The following LMO3 variants were observed in gnomAD, a reference collection of about 807,000 sequenced individuals.
The protein encoded by LMO3 is LIM domain only 3, also known as LIM domain only protein 3.
In LMO3, 2 loss-of-function variants were observed where a neutral mutation model predicts 15.8. The ratio of observed to expected loss-of-function variants is 0.13; its 90% CI spans 0.05 to 0.40. LMO3 has a LOEUF of 0.40. Ranked by LOEUF, LMO3 falls within the 10% of genes least tolerant of loss-of-function variation. LMO3 has a pLI of 0.99. For synonymous variants in LMO3, 62 were observed against 63.8 expected, an observed-to-expected ratio of 0.97 and a Z score of 0.13; for missense variants, 86 against 182.2, an observed-to-expected ratio of 0.47 and a Z score of 3.04.
At chr12:16,581,520 C>G (rs1031401373) in intron 2 of LMO3, among the ~76,000 whole-genome samples, 1 of 152,106 alleles carries the variant, frequency 6.6e-6, no homozygotes, top group African/African-American at 2.4e-5. Context: ...ACTGCTGGAG[C>G]CTCAGTTCCT....
At position 16,576,865 on chromosome 12, in the gene LMO3, A is replaced by G. The variant is rs556684544; in HGVS notation, c.207-16327T>C. On this transcript the variant is annotated intron_variant, in intron 2 of 3. Coordinates refer to ENST00000537304, the MANE Select transcript of LMO3 (RefSeq NM_018640.5). The surrounding 1 kb of genome is among the most constrained non-coding windows in gnomAD (Gnocchi z 4.1). ...ACCTGTAGGTGGAAGTCAAAAATAA[A>G]TTACTTAAAAGCTGTTACAAAGAAA... Among the ~76,000 whole-genome samples the G allele has an allele frequency of 1.3e-5, 2 of 152,326 alleles. No individual in the cohort carries two copies. Among genetic ancestry groups the G allele is most frequent in the South Asian group, 4.1e-4 (2 of 4,822 alleles).
chr12:16,568,965 T>TA (rs1418122257), intron 2 of LMO3, among the ~76,000 whole-genome samples: 1 of 152,194 alleles, frequency 6.6e-6, no homozygotes, highest in African/African-American at 2.4e-5. Flanking sequence ...ACTTGAAACT[T>TA]AAAAATATGT....
At chr12:16,581,624 C>T (rs900641038) in intron 2 of LMO3, among the ~76,000 whole-genome samples, 2 of 152,154 alleles carry the variant, frequency 1.3e-5, no homozygotes, top group Non-Finnish European at 2.9e-5. Flanking sequence ...TTAAAACAAA[C>T]ACTCAAAATT....
intron 2 of LMO3, among the ~76,000 whole-genome samples, chr12:16,569,669 A>G (rs1277817845): frequency 5.9e-5 from 9 of 152,118 alleles, no homozygotes; most frequent in Non-Finnish European, 2.9e-5. Context: ...AGAATCACAA[A>G]ATCTTCGATC....
At position 16,604,802 on chromosome 12, in the gene LMO3, C is replaced by T; in HGVS notation, c.-9+1264G>A. 1 of 1,556,476 alleles carries T rather than the reference C, an allele frequency of 6.4e-7. No individual in the cohort carries two copies. The highest frequency in any genetic ancestry group is 1.1e-5 in the South Asian group (1 of 89,582). ...CAAAAGCAGCGGAAAAGCAGAAAGG[C>T]TTTTGAGCGGCCAGGAGTGCAGAGC... On this transcript the variant is annotated intron_variant, in intron 1 of 3. Coordinates refer to ENST00000537304, the MANE Select transcript of LMO3 (RefSeq NM_018640.5). This position sits in a 1 kb window ranked among gnomAD's most constrained non-coding sequence, Gnocchi z 5.3.
chr12:16,595,465 A>G (rs190216106), intron 2 of LMO3, among the ~76,000 whole-genome samples: 98 of 151,410 alleles, frequency 6.5e-4, no homozygotes, highest in Non-Finnish European at 4.4e-5. Flanking sequence ...TTCACCTACT[A>G]TTTTCCAGAA....
chr12:16,605,652 TG>T, intron 1 of LMO3: 1 of 1,043,224 alleles, frequency 9.6e-7, no homozygotes, highest in Non-Finnish European at 1.4e-6. Context: ...TCCTATGGGC[TG>T]GGAGCAAACA....
rs573953710 is a variant in LMO3, at chr12:16,584,162, G to A, written c.206+16493C>T. Among the ~76,000 whole-genome samples the A allele has an allele frequency of 5.9e-5, 9 of 152,200 alleles. No homozygotes were observed. In the East Asian group the frequency reaches 1.7e-3, roughly 30 times the overall value. On this transcript the variant is annotated intron_variant, in intron 2 of 3. Coordinates refer to ENST00000537304, the MANE Select transcript of LMO3 (RefSeq NM_018640.5). The surrounding 1 kb of genome is among the most constrained non-coding windows in gnomAD (Gnocchi z 5.2). ...AAGAGGGAAATGACAGCAGTGAGTA[G>A]GGGTAAAAGGTAGTATAATTAGATG...
intron 3 of LMO3, among the ~76,000 whole-genome samples, chr12:16,556,158 T>C (rs1333232660): frequency 2.0e-5 from 3 of 152,224 alleles, no homozygotes; most frequent in Admixed American, 2.0e-4. Context: ...TGGGAAAATT[T>C]CATCACAAGC....
chr12:16,563,471 C>T (rs1197171746), intron 2 of LMO3, among the ~76,000 whole-genome samples: 1 of 152,170 alleles, frequency 6.6e-6, no homozygotes, highest in Non-Finnish European at 1.5e-5. Flanking sequence ...AAGCATAAGA[C>T]AGGCATAGTT....
intron 2 of LMO3, chr12:16,594,352 A>C: frequency 7.8e-7 from 1 of 1,278,928 alleles, no homozygotes; most frequent in East Asian, 2.5e-5. Flanking sequence ...ATAAAAAAGA[A>C]AGAAAAAGGC....
intron 3 of LMO3, among the ~76,000 whole-genome samples, chr12:16,552,798 A>G (rs954676009): frequency 4.8e-4 from 73 of 151,954 alleles, no homozygotes; most frequent in Non-Finnish European, 1.2e-4. Context: ...CTTTAAGTAT[A>G]TTTTCTTTGT....
rs1943355245 is a variant in LMO3 at position 16,587,440 on chromosome 12, A to C, written c.206+13215T>G. Among the ~76,000 whole-genome samples, 1 of 152,172 alleles carries C rather than the reference A, an allele frequency of 6.6e-6. No homozygotes were observed. Among genetic ancestry groups the C allele is most frequent in the Non-Finnish European group, 1.5e-5 (1 of 68,024 alleles). ...TTCATTAATTTTCTACAGACTAGAG[A>C]GCAAGGAATTCAAGTTCGATTTTTT... On this transcript the variant is annotated intron_variant, in intron 2 of 3. Transcript: ENST00000537304. This position sits in a 1 kb window ranked among gnomAD's most constrained non-coding sequence, Gnocchi z 4.3.
chr12:16,605,525 C>A, intron 1 of LMO3: 1 of 392,972 alleles, frequency 2.5e-6, no homozygotes, highest in Non-Finnish European at 3.9e-6. Flanking sequence ...TGGAGAGAGG[C>A]AGAAGCGTCA....
intron 2 of LMO3, chr12:16,567,319 T>G (rs1187003381): frequency 1.3e-5 from 2 of 154,714 alleles, no homozygotes; most frequent in Non-Finnish European, 2.9e-5. Flanking sequence ...TGAAAGTAGA[T>G]GCCTACTACG....
chr12:16,601,984 A>G (rs1402313960), intron 1 of LMO3: 1 of 152,192 alleles, frequency 6.6e-6, no homozygotes, highest in African/African-American at 2.4e-5. Flanking sequence ...GACATCATCA[A>G]TTCCAAATTC....
chr12:16,563,129 C>T (rs1362379756), intron 2 of LMO3, among the ~76,000 whole-genome samples: 1 of 152,144 alleles, frequency 6.6e-6, no homozygotes, highest in African/African-American at 2.4e-5. Flanking sequence ...GAATTATTGC[C>T]CCTTTTCCTA....
At chr12:16,579,079 G>C (rs1032801991) in intron 2 of LMO3, among the ~76,000 whole-genome samples, 1 of 152,012 alleles carries the variant, frequency 6.6e-6, no homozygotes, top group Non-Finnish European at 1.5e-5. Flanking sequence ...CTAGAGCTTA[G>C]TTTTTTAAAA....
chr12:16,602,436 G>C (rs575145403), intron 1 of LMO3: 2 of 152,238 alleles, frequency 1.3e-5, no homozygotes, highest in Non-Finnish European at 2.9e-5. Context: ...TTAGGATGTT[G>C]AACTTTCATT....
Sources: gnomAD v4.1 joint callset for allele counts (sites outside exome capture counted in the v4.1 genomes callset) on GRCh38, gnomAD v4.1.1 for gene constraint, Gnocchi (gnomAD v3.1) non-coding constraint, MANE v1.5 for transcripts, NCBI Gene and HGNC (gene_info 2026-07-23, HGNC 2026-07-21) for gene names.